Variants in SLC25A17 observed in about 807,000 individuals in gnomAD.
SLC25A17 encodes peroxisomal membrane protein PMP34.
Under a neutral mutation model 38.5 loss-of-function variants are expected in SLC25A17, and 26 were observed. That is an observed-to-expected ratio of 0.68 (90% confidence interval 0.50 to 0.94). SLC25A17 has a LOEUF of 0.94. SLC25A17 is among the 40% of genes least tolerant of loss of function. The pLI is 0.00. For missense variants in SLC25A17, 333 were observed against 372.7 expected, an observed-to-expected ratio of 0.89 and a Z score of 0.88; for synonymous variants, 139 against 136.2, an observed-to-expected ratio of 1.02 and a Z score of -0.14.
At position 40,819,303 on chromosome 22, in the gene SLC25A17, T is replaced by G; in HGVS notation, c.-55A>C. On this transcript the variant is annotated 5_prime_UTR_variant, in exon 1 of 9. Transcript: ENST00000435456. ...CTTTTCCCACAGATGCCGCAGCCAG[T>G]GGAGTTAGGAAAGGAGCACCGGAGC... is the stretch of plus-strand genomic sequence containing the variant. 1 of 1,597,516 alleles carries G rather than the reference T, an allele frequency of 6.3e-7. No homozygotes were observed. The highest frequency in any genetic ancestry group is 1.1e-5 in the South Asian group (1 of 90,574).
At chr22:40,819,115 ATCCC>A in intron 1 of SLC25A17, 76 bp downstream of exon 1, 1 of 1,472,874 alleles carries the variant, frequency 6.8e-7, no homozygotes, top group Non-Finnish European at 9.4e-7. Flanking sequence ...TCTCAGACCC[ATCCC>A]TCAGGCATAT....
intron 1 of SLC25A17, among the ~76,000 whole-genome samples, chr22:40,805,467 G>A (rs545190656): frequency 6.6e-6 from 1 of 152,336 alleles, no homozygotes; most frequent in South Asian, 2.1e-4. Context: ...ACTAGCCAAG[G>A]AATGTGGCAG....
chr22:40,804,338 T>C (rs1041939233), intron 1 of SLC25A17, among the ~76,000 whole-genome samples: 12 of 152,146 alleles, frequency 7.9e-5, no homozygotes, highest in African/African-American at 2.9e-4. Context: ...AAGGTCACTC[T>C]ACCAGGGCCC....
intron 4 of SLC25A17, among the ~76,000 whole-genome samples, chr22:40,790,623 G>A (rs1358163393): frequency 6.6e-6 from 1 of 152,166 alleles, no homozygotes; most frequent in Non-Finnish European, 1.5e-5. Context: ...TTAGAAAGAT[G>A]AACAGGACAG....
At chr22:40,786,779 G>A (rs1184827886) in intron 4 of SLC25A17, among the ~76,000 whole-genome samples, 1 of 152,218 alleles carries the variant, frequency 6.6e-6, no homozygotes, top group Admixed American at 6.5e-5. Flanking sequence ...CTCATGGATT[G>A]GAGGTGGGGT....
intron 8 of SLC25A17, among the ~76,000 whole-genome samples, chr22:40,773,562 T>C (rs1055062576): frequency 5.9e-5 from 9 of 152,140 alleles, no homozygotes; most frequent in Admixed American, 5.9e-4. Flanking sequence ...TATCACTTTT[T>C]CCACTGCCCC....
Position 40,785,358 on chromosome 22 carries a change from C to T in SLC25A17, c.335-6233G>A, listed in dbSNP as rs6002133. Among the ~76,000 whole-genome samples, 546 of 152,244 alleles carry T rather than the reference C, an allele frequency of 3.6e-3. 5 individuals carry two copies. The highest frequency in any genetic ancestry group is 0.013 in the African/African-American group (525 of 41,546). ...GAGATCGCGCCACTGCACTCCAGCC[C>T]GGGTGACAGAGTGAGACTCCTTCTC... is the stretch of plus-strand genomic sequence containing the variant. On this transcript the variant is annotated intron_variant, in intron 4 of 8. Transcript: ENST00000435456.
At chr22:40,786,413 G>A (rs1045255125) in intron 4 of SLC25A17, among the ~76,000 whole-genome samples, 2 of 152,128 alleles carry the variant, frequency 1.3e-5, no homozygotes, top group South Asian at 2.1e-4. Flanking sequence ...CGGTTACTTC[G>A]CATATCTTAG....
chr22:40,783,939 C>G (rs1001289979), intron 4 of SLC25A17, among the ~76,000 whole-genome samples: 1 of 152,030 alleles, frequency 6.6e-6, no homozygotes, highest in Admixed American at 6.6e-5. Flanking sequence ...CTCCTGACCT[C>G]GGTAATCCAC....
intron 2 of SLC25A17, among the ~76,000 whole-genome samples, chr22:40,798,660 T>TAAAAAAAAAAAA (rs10640211): frequency 1.3e-5 from 1 of 74,378 alleles, no homozygotes; most frequent in Non-Finnish European, 2.5e-5. Flanking sequence ...CACACATACA[T>TAAAAAAAAAAAA]AAAAAAAAAA....
intron 1 of SLC25A17, among the ~76,000 whole-genome samples, chr22:40,810,351 T>G (rs551926331): frequency 6.6e-6 from 1 of 151,246 alleles, no homozygotes; most frequent in South Asian, 2.1e-4. Context: ...AATATTCTTT[T>G]TTTTTTTTTT....
At chr22:40,788,717 A>C (rs2057359604) in intron 4 of SLC25A17, 2 of 229,502 alleles carry the variant, frequency 8.7e-6, no homozygotes, top group South Asian at 1.5e-4. Flanking sequence ...ATAAAATAAA[A>C]ACAAAACAAA....
Position 40,801,128 on chromosome 22 carries a change from CATATATATATATATATATAT to C in SLC25A17, c.55-2065_55-2046del, listed in dbSNP as rs60780380. The stretch of plus-strand genomic sequence containing the variant: ...AAAGAAAAAAGAAAAAAATATATTA[CATATATATATATATATATAT>C]ATATATATATATATATATATGTAAA... On this transcript the variant is annotated intron_variant, in intron 1 of 8. Transcript: ENST00000435456. Among the ~76,000 whole-genome samples, 117 of 101,202 alleles carry C rather than the reference CATATATATATATATATATAT, an allele frequency of 1.2e-3. 3 individuals are homozygous for C. Among genetic ancestry groups the C allele is most frequent in the South Asian group, 0.01 (30 of 2,966 alleles). 66.4% of individuals were successfully genotyped at this position (101,202 alleles called of 152,430 possible).
intron 1 of SLC25A17, among the ~76,000 whole-genome samples, chr22:40,804,898 C>T (rs533306292): frequency 6.6e-6 from 1 of 151,872 alleles, no homozygotes; most frequent in South Asian, 2.1e-4. Context: ...TCACTTAAGC[C>T]AGGAGTTTGA....
At chr22:40,812,490 A>G (rs2057592681) in intron 1 of SLC25A17, among the ~76,000 whole-genome samples, 1 of 152,170 alleles carries the variant, frequency 6.6e-6, no homozygotes, top group Non-Finnish European at 1.5e-5. Flanking sequence ...AGCATAAAAC[A>G]ATGATGTTTG....
At chr22:40,788,668 G>A (rs2057359045) in intron 4 of SLC25A17, 2 of 176,798 alleles carry the variant, frequency 1.1e-5, no homozygotes, top group South Asian at 2.2e-4. Flanking sequence ...TCCAGCCTGG[G>A]AGAGAGAGCG....
At chr22:40,771,907 CCA>C (rs2057187377) in intron 8 of SLC25A17, among the ~76,000 whole-genome samples, 2 of 151,980 alleles carry the variant, frequency 1.3e-5, no homozygotes, top group East Asian at 3.9e-4. Flanking sequence ...GATAGATACC[CCA>C]TTTTCCATGA....
intron 1 of SLC25A17, 139 bp downstream of exon 1, chr22:40,819,056 C>T (rs1052558133): frequency 2.3e-6 from 2 of 883,210 alleles, no homozygotes; most frequent in Non-Finnish European, 3.5e-6. Flanking sequence ...TGGCCCATTC[C>T]TCTCTGCCCC....
intron 4 of SLC25A17, among the ~76,000 whole-genome samples, chr22:40,782,340 G>GT (rs955840717): frequency 7.9e-5 from 12 of 151,828 alleles, no homozygotes; most frequent in Admixed American, 2.0e-4. Flanking sequence ...GCAGAAGACT[G>GT]TTTTTTTTCT....
Sources: gnomAD v4.1 joint callset for allele counts (sites outside exome capture counted in the v4.1 genomes callset) on GRCh38, gnomAD v4.1.1 for gene constraint, MANE v1.5 for transcripts, NCBI Gene and HGNC (gene_info 2026-07-23, HGNC 2026-07-21) for gene names.